MSH6: variants seen among roughly 807,000 people sequenced by gnomAD.
MSH6 encodes DNA mismatch repair protein Msh6.
Under a neutral mutation model 119.1 loss-of-function variants are expected in MSH6, and 85 were observed. The observed-to-expected ratio is 0.71, with a 90% CI of 0.60 to 0.85. The LOEUF (loss-of-function observed/expected upper bound fraction) is 0.85, where lower values mean the gene tolerates loss of function less well. Ranked by LOEUF, MSH6 falls within the 40% of genes least tolerant of loss-of-function variation. MSH6 has a pLI of 0.00. For missense variants in MSH6, 2,163 were observed against 1,655.3 expected, an observed-to-expected ratio of 1.31 and a Z score of -5.32; for synonymous variants, 830 against 586.9, an observed-to-expected ratio of 1.41 and a Z score of -5.99.
In MSH6 at chr2:47,800,783, G is replaced by T. The variant is rs2104424683; in HGVS notation, c.2800G>T (p.Asp934Tyr). Residue 934 changes from aspartate (D) to tyrosine (Y), a missense_variant, in exon 4 of 10, where the codon GAC becomes TAC. Asp to Tyr is a radical substitution (Grantham distance 160). Coordinates refer to ENST00000234420, the MANE Select transcript of MSH6 (RefSeq NM_000179.3). ...TGLITPKAGFDSDYDQALADI... is the reference protein window; with the variant it reads ...TGLITPKAGFYSDYDQALADI... Reference sequence around the variant, plus strand: ...ACTTATTACTCCCAAAGCAGGCTTTGACTCTGATTATGACCAAGCTCTTGC... The same window carrying T: ...ACTTATTACTCCCAAAGCAGGCTTTTACTCTGATTATGACCAAGCTCTTGC... The T allele has an allele frequency of 6.2e-7, 1 of 1,614,122 alleles. No homozygotes were observed. The highest frequency in any genetic ancestry group is 1.1e-5 in the South Asian group (1 of 91,064).
At chr2:47,808,046 T>G, downstream of MSH6, 1 of 1,375,178 alleles carries the variant, frequency 7.3e-7, no homozygotes. Flanking sequence ...GCAAATATTT[T>G]AAATCTTCTT....
Position 47,806,921 on chromosome 2 carries a change from T to TATGATCTAATA in MSH6, c.*63_*73dup. The TATGATCTAATA allele has an allele frequency of 8.4e-7, 1 of 1,197,064 alleles. No individual in the cohort carries two copies. Among genetic ancestry groups the TATGATCTAATA allele is most frequent in the Non-Finnish European group, 1.2e-6 (1 of 809,912 alleles). 74.2% of individuals were successfully genotyped at this position (1,197,064 alleles called of 1,614,324 possible). A position where few individuals can be genotyped will look rare whatever the true frequency, so the allele number is the denominator to read the frequency against. ...CAAAGGTGGTAAATTCAGACAACAT[T>TATGATCTAATA]ATGATCTAATAAACTTTATTTTTTA... On this transcript the variant is annotated 3_prime_UTR_variant, in exon 10 of 10. Transcript: ENST00000234420.
rs1800937 is a variant in MSH6, at chr2:47,798,625, C to G, written c.642C>G (p.Tyr214Ter). ...TTGCCTGGCAGGTAGGCACAACTTA[C>G]GTAACAGATAAGAGTGAAGAAGATA... ...EEEEMEVGTT[Y>*]VTDKSEEDNE... is the part of the protein sequence containing the mutation. The change falls in exon 4 of 10, where the codon TAC becomes TAG. Residue 214 changes from tyrosine (Y) to a stop codon, truncating the protein, a stop_gained. Transcript: ENST00000234420. LOFTEE classifies it high-confidence loss of function. 6.8e-6 allele frequency: 11 copies of G among 1,610,564 alleles called. No individual in the cohort carries two copies. The highest frequency in any genetic ancestry group is 9.3e-6 in the Non-Finnish European group (11 of 1,179,886).
In MSH6 at chr2:47,805,141, C is replaced by T. The variant is rs56386437; in HGVS notation, c.3556+114C>T. ...CTAATATTTGATTTTTCTGGTGTTA[C>T]TTTAAAAACATCACTTTTTAAGAAC... On this transcript the variant is annotated intron_variant, in intron 6 of 9. Transcript: ENST00000234420. 2.6e-5 allele frequency: 20 copies of T among 761,758 alleles called. No homozygotes were observed. The East Asian group carries it at 3.7e-4, about 14-fold the overall frequency. The allele number at this position is 761,758 out of a possible 1,614,324, so 47.2% of individuals were successfully genotyped here.
chr2:47,793,318 C>CTCAA lies in MSH6; in HGVS notation c.457+2195_457+2196insTCAA, dbSNP rs1441753856. 2.7e-3 allele frequency among the ~76,000 whole-genome samples: 130 copies of CTCAA among 48,810 alleles called. 10 individuals are homozygous for CTCAA. Among genetic ancestry groups the CTCAA allele is most frequent in the African/African-American group, 4.0e-3 (47 of 11,750 alleles). The allele number at this position is 48,810 out of a possible 152,430, so 32.0% of individuals were successfully genotyped here. A position where few individuals can be genotyped will look rare whatever the true frequency, so the allele number is the denominator to read the frequency against. On this transcript the variant is annotated intron_variant, in intron 2 of 9. Coordinates refer to ENST00000234420, the MANE Select transcript of MSH6 (RefSeq NM_000179.3). The stretch of plus-strand genomic sequence containing the variant: ...CCTGGGTGACAGAGCGAGACTGTCT[C>CTCAA]AAAAAAAAAAAAAAAAAAAAAAAAA...
At position 47,799,169 on chromosome 2, in the gene MSH6, C is replaced by G. The variant is rs2020908; in HGVS notation, c.1186C>G (p.Leu396Val). Residue 396 changes from leucine (L) to valine (V), a missense_variant, in exon 4 of 10, where the codon CTC (leucine) becomes GTC (valine). Transcript: ENST00000234420. ...PDHPDFDAST[L>V]YVPEDFLNSC... ...TCACCCCGATTTTGATGCATCTACA[C>G]TCTATGTGCCTGAGGATTTCCTCAA... 10,766 of 1,614,176 alleles carry G rather than the reference C, an allele frequency of 6.7e-3. 44 individuals are homozygous for G. Among genetic ancestry groups the G allele is most frequent in the Non-Finnish European group, 7.7e-3 (9,037 of 1,180,020 alleles).
chr2:47,791,205 T>C, intron 2 of MSH6, 82 bp downstream of exon 2: 3 of 1,325,410 alleles, frequency 2.3e-6, no homozygotes, highest in Non-Finnish European at 3.2e-6. Flanking sequence ...GCAGACTTTT[T>C]TCTATATGAT....
At position 47,783,177 on chromosome 2, in the gene MSH6, T is replaced by C; in HGVS notation, c.-57T>C. ...CCGCCAGCAGGAGCCGCGCGGTAGA[T>C]GCGGTGCTTTTAGGAGCTCCGTCCG... On this transcript the variant is annotated 5_prime_UTR_variant, in exon 1 of 10. The change abolishes an upstream ATG in the 5' untranslated region. Transcript: ENST00000234420. 1.1e-5 allele frequency: 18 copies of C among 1,602,852 alleles called. No individual in the cohort carries two copies. The highest frequency in any genetic ancestry group is 1.5e-5 in the Non-Finnish European group (18 of 1,175,988).
intron 3 of MSH6, chr2:47,798,034 T>G (rs147615035): frequency 4.7e-6 from 1 of 213,626 alleles, no homozygotes; most frequent in African/African-American, 2.3e-5. Flanking sequence ...ATCCTTGCCC[T>G]TCTTGTATTA....
chr2:47,801,521 C>CCATG (rs1233861486), intron 4 of MSH6, among the ~76,000 whole-genome samples: 2 of 151,700 alleles, frequency 1.3e-5, no homozygotes, highest in East Asian at 3.9e-4. Flanking sequence ...ATATGCACCA[C>CCATG]CATGCATGGC....
rs63750065 is a variant in MSH6, at chr2:47,799,173, A to G, written c.1190A>G (p.Tyr397Cys). Residue 397 changes from tyrosine (Y) to cysteine (C), a missense_variant, in exon 4 of 10, where the codon TAT becomes TGT. Tyr to Cys is a radical substitution (Grantham distance 194). Transcript: ENST00000234420. ...CCCGATTTTGATGCATCTACACTCTATGTGCCTGAGGATTTCCTCAATTCT... is the reference window on the plus strand; with the variant it reads ...CCCGATTTTGATGCATCTACACTCTGTGTGCCTGAGGATTTCCTCAATTCT... ...DHPDFDASTL[Y>C]VPEDFLNSCT... 32 of 1,614,170 alleles carry G rather than the reference A, an allele frequency of 2.0e-5. No homozygotes were observed. The East Asian group carries it at 3.1e-4, about 16-fold the overall frequency.
chr2:47,806,390 G>T (rs946114290), intron 8 of MSH6, 32 bp downstream of exon 8: 4 of 1,612,724 alleles, frequency 2.5e-6, no homozygotes, highest in Admixed American at 1.7e-5. Context: ...CCACAAATTC[G>T]GTTTTTTGAG....
rs1572723373 is a variant in MSH6 at position 47,799,531 on chromosome 2, C to T, written c.1548C>T (p.Ile516=). The T allele has an allele frequency of 6.2e-7, 1 of 1,614,136 alleles. No homozygotes were observed. The highest frequency in any genetic ancestry group is 8.5e-7 in the Non-Finnish European group (1 of 1,180,008). The change falls in exon 4 of 10, where the codon ATC becomes ATT. Residue 516 remains isoleucine (I), a synonymous_variant. Transcript: ENST00000234420. ...DRVVRREICR[I]ITKGTQTYSV... ...TGGTGAGGAGGGAGATCTGTAGGAT[C>T]ATTACCAAGGGTACACAGACTTACA...
chr2:47,794,816 A>G (rs1265801401), intron 2 of MSH6, among the ~76,000 whole-genome samples: 1 of 151,954 alleles, frequency 6.6e-6, no homozygotes, highest in African/African-American at 2.4e-5. Context: ...GTTTTTTGAG[A>G]TGGAGTCTTG....
chr2:47,788,930 T>TTTTTTTTTTTTTTTTTTTTTG (rs1668550582), intron 1 of MSH6, among the ~76,000 whole-genome samples: 1 of 92,722 alleles, frequency 1.1e-5, no homozygotes, highest in African/African-American at 5.1e-5. Flanking sequence ...TTGTTTTTTT[T>TTTTTTTTTTTTTTTTTTTTTG]TTTTTTTTTT....
At chr2:47,788,916 T>TTTTTGTTTTTTTTG (rs1558650186) in intron 1 of MSH6, among the ~76,000 whole-genome samples, 8 of 59,922 alleles carry the variant, frequency 1.3e-4, no homozygotes, top group African/African-American at 3.7e-4. Context: ...CCTTTTTTTT[T>TTTTTGTTTTTTTTG]TTTTTGTTTT....
At chr2:47,796,211 C>T in intron 3 of MSH6, 148 bp downstream of exon 3, 1 of 884,042 alleles carries the variant, frequency 1.1e-6, no homozygotes, top group Non-Finnish European at 1.8e-6. Context: ...CTGTAGTTCC[C>T]TGGACTGTAG....
intron 1 of MSH6, chr2:47,784,504 C>G (rs1467406948): frequency 6.6e-6 from 1 of 151,928 alleles, no homozygotes; most frequent in Non-Finnish European, 1.5e-5. Flanking sequence ...TCGCTCAAGT[C>G]CAGGCTGGAG....
At chr2:47,804,546 AAAAAG>A (rs1222911795) in intron 5 of MSH6, among the ~76,000 whole-genome samples, 1 of 90,712 alleles carries the variant, frequency 1.1e-5, no homozygotes, top group Non-Finnish European at 2.1e-5. Context: ...AAAAAAAAAA[AAAAAG>A]GTGCAGAGAT....
Sources: gnomAD v4.1 joint callset for allele counts (sites outside exome capture counted in the v4.1 genomes callset) on GRCh38, gnomAD v4.1.1 for gene constraint, MANE v1.5 for transcripts, NCBI Gene and HGNC (gene_info 2026-07-23, HGNC 2026-07-21) for gene names.